The following DENND1A variants were observed in gnomAD, a reference collection of about 807,000 sequenced individuals.
The protein encoded by DENND1A is DENN domain-containing protein 1A.
In DENND1A, 51 loss-of-function variants were observed where a neutral mutation model predicts 113.7. The observed-to-expected ratio is 0.45, with a 90% CI of 0.36 to 0.57. The LOEUF (loss-of-function observed/expected upper bound fraction) is 0.57. Among genes scored for constraint, DENND1A ranks in the 20% least tolerant of loss-of-function variants. The pLI is 0.00. For synonymous variants in DENND1A, 565 were observed against 570.8 expected, an observed-to-expected ratio of 0.99 and a Z score of 0.14; for missense variants, 1,258 against 1,395.9, an observed-to-expected ratio of 0.90 and a Z score of 1.57.
At chr9:123,775,942 G>A (rs1247616254) in intron 3 of DENND1A, among the ~76,000 whole-genome samples, 1 of 152,126 alleles carries the variant, frequency 6.6e-6, no homozygotes, top group Non-Finnish European at 1.5e-5. Flanking sequence ...TCAGAGAAGT[G>A]GCTCTAGTTT....
chr9:123,381,570 G>C lies in DENND1A; in HGVS notation c.3075C>G (p.Pro1025=). ...GGTCTCTGGCCTGTTGAGGAGCAGA[G>C]GGCTGCAGTGTTGGCTCCAGGCCTT... ...PPQGLEPTLQ[P]SAPQQARDPF... is the part of the protein sequence containing the mutation. The change falls in exon 24 of 24, where the codon CCC becomes CCG. Residue 1025 remains proline, a synonymous_variant. Transcript: ENST00000394215. The surrounding 1 kb of genome is among the most constrained non-coding windows in gnomAD (Gnocchi z 4.7). 1 of 1,613,708 alleles carries C rather than the reference G, an allele frequency of 6.2e-7. No individual in the cohort carries two copies.
intron 1 of DENND1A, among the ~76,000 whole-genome samples, chr9:123,893,903 A>C (rs1850310823): frequency 6.6e-6 from 1 of 152,176 alleles, no homozygotes; most frequent in Non-Finnish European, 1.5e-5. Flanking sequence ...GTAGGCACTT[A>C]AGAGATATTT....
rs182687903 is a variant in DENND1A, at chr9:123,927,776, C to T, written c.17+2113G>A. ...AGACTGTCCTATTCAATGGAACCTG[C>T]ACACTTAGATTTCACCACAGCCAGG... On this transcript the variant is annotated intron_variant, in intron 1 of 23. Transcript: ENST00000394215. Among the ~76,000 whole-genome samples the T allele has an allele frequency of 1.2e-3, 185 of 152,330 alleles. 1 individual carries two copies. Among genetic ancestry groups the T allele is most frequent in the African/African-American group, 4.3e-3 (180 of 41,572 alleles).
At position 123,609,534 on chromosome 9, in the gene DENND1A, A is replaced by G; in HGVS notation, c.720-53T>C. 3.8e-6 allele frequency: 6 copies of G among 1,583,202 alleles called. No individual in the cohort carries two copies. In the South Asian group the frequency reaches 5.8e-5, roughly 15 times the overall value. On this transcript the variant is annotated intron_variant, in intron 10 of 23. Transcript: ENST00000394215. ...TGCTTTAATGTCTGTTGCTTCTGACAGAAAATTACAGATGGTTCACTATTT... is the reference window on the plus strand; with the variant it reads ...TGCTTTAATGTCTGTTGCTTCTGACGGAAAATTACAGATGGTTCACTATTT...
chr9:123,603,379 C>T (rs1021215963), intron 11 of DENND1A, among the ~76,000 whole-genome samples: 3 of 152,132 alleles, frequency 2.0e-5, no homozygotes, highest in African/African-American at 7.2e-5. Flanking sequence ...TTGTTGTAGA[C>T]ATAGACAAAT....
rs77969061 is a variant in DENND1A, at chr9:123,381,195, G to A, written c.*237C>T. The A allele has an allele frequency of 1.2e-5, 7 of 574,924 alleles. No homozygotes were observed. Among genetic ancestry groups the A allele is most frequent in the East Asian group, 3.0e-5 (1 of 33,842 alleles). 35.6% of individuals were successfully genotyped at this position (574,924 alleles called of 1,614,324 possible). A position where few individuals can be genotyped will look rare whatever the true frequency, so the allele number is the denominator to read the frequency against. Reference sequence around the variant, plus strand: ...TCAAGGGTGCCGAGGAGAGGCAACCGCGGGGTGGGATGGGCACTCAGGAAC... The same window carrying A: ...TCAAGGGTGCCGAGGAGAGGCAACCACGGGGTGGGATGGGCACTCAGGAAC... On this transcript the variant is annotated 3_prime_UTR_variant, in exon 24 of 24. Transcript: ENST00000394215. The surrounding 1 kb of genome is among the most constrained non-coding windows in gnomAD (Gnocchi z 4.7).
intron 1 of DENND1A, among the ~76,000 whole-genome samples, chr9:123,879,980 CTTGT>C (rs560537019): frequency 1.7e-4 from 26 of 152,254 alleles, no homozygotes; most frequent in African/African-American, 6.3e-4. Flanking sequence ...TATACTCTTA[CTTGT>C]TTATTTCATA....
chr9:123,509,642 T>C (rs1408527760), intron 13 of DENND1A, among the ~76,000 whole-genome samples: 4 of 152,218 alleles, frequency 2.6e-5, no homozygotes, highest in Non-Finnish European at 5.9e-5. Context: ...CCTCAAATTA[T>C]AGAAGAGCCT....
chr9:123,754,348 A>T (rs923878385), intron 5 of DENND1A, among the ~76,000 whole-genome samples: 2 of 152,194 alleles, frequency 1.3e-5, no homozygotes, highest in Non-Finnish European at 2.9e-5. Flanking sequence ...TCAGCCTAGC[A>T]ATGTTCCCAA....
chr9:123,676,102 A>G (rs1285282735), intron 6 of DENND1A, among the ~76,000 whole-genome samples: 1 of 152,222 alleles, frequency 6.6e-6, no homozygotes, highest in African/African-American at 2.4e-5. Context: ...GGTATCTGAA[A>G]ATGTGGGCTA....
rs765585913 is a variant in DENND1A, at chr9:123,382,579, G to A, written c.2066C>T (p.Ala689Val). ...GSERSRGVTVALKLTHPYNKL... is the reference protein window; with the variant it reads ...GSERSRGVTVVLKLTHPYNKL... ...GTTGTACGGGTGGGTAAGCTTCAAG[G>A]CCACTGTCACCCCGCGGCTCCTCTC... The change falls in exon 24 of 24, where the codon GCC becomes GTC. Residue 689 changes from alanine to valine, a missense_variant. By Grantham distance (64) the Ala-to-Val change is moderately conservative (BLOSUM62 0). Transcript: ENST00000394215. The A allele has an allele frequency of 9.9e-6, 16 of 1,614,108 alleles. No homozygotes were observed. In the South Asian group the frequency reaches 1.6e-4, roughly 17 times the overall value.
chr9:123,864,626 G>T (rs1382144382), intron 2 of DENND1A, among the ~76,000 whole-genome samples: 1 of 152,064 alleles, frequency 6.6e-6, no homozygotes, highest in Non-Finnish European at 1.5e-5. Flanking sequence ...AGAAAAGGCA[G>T]AATAACATCT....
chr9:123,810,492 A>T (rs530113307), intron 2 of DENND1A, among the ~76,000 whole-genome samples: 1 of 142,062 alleles, frequency 7.0e-6, no homozygotes, highest in African/African-American at 2.6e-5. Context: ...AGGGAGGATC[A>T]CTTGAGCTCA....
intron 9 of DENND1A, among the ~76,000 whole-genome samples, chr9:123,634,561 T>C (rs911584923): frequency 7.9e-5 from 12 of 152,316 alleles, no homozygotes; most frequent in African/African-American, 2.6e-4. Flanking sequence ...GTTCATTCCT[T>C]ACAGAATACA....
intron 13 of DENND1A, among the ~76,000 whole-genome samples, chr9:123,546,017 T>C (rs1267842880): frequency 6.6e-6 from 1 of 152,168 alleles, no homozygotes; most frequent in Non-Finnish European, 1.5e-5. Flanking sequence ...ACTGCCGTGG[T>C]GGCTTCAGCT....
At chr9:123,755,536 C>T (rs1041231264) in intron 5 of DENND1A, among the ~76,000 whole-genome samples, 1 of 151,768 alleles carries the variant, frequency 6.6e-6, no homozygotes, top group African/African-American at 2.4e-5. Flanking sequence ...GCTAGGATTA[C>T]AGGAGTGAGC....
At chr9:123,627,775 G>A (rs1266711963) in intron 10 of DENND1A, among the ~76,000 whole-genome samples, 5 of 146,498 alleles carry the variant, frequency 3.4e-5, no homozygotes, top group Non-Finnish European at 7.7e-5. Flanking sequence ...GAGAGCGAGC[G>A]AGTGAGAGAG....
At chr9:123,722,821 T>C (rs1388134036) in intron 5 of DENND1A, among the ~76,000 whole-genome samples, 1 of 152,216 alleles carries the variant, frequency 6.6e-6, no homozygotes, top group Non-Finnish European at 1.5e-5. Context: ...GGGGCCCTCA[T>C]GGAGAACTTC....
chr9:123,608,125 G>C (rs1341598762), intron 11 of DENND1A, among the ~76,000 whole-genome samples: 3 of 152,106 alleles, frequency 2.0e-5, no homozygotes, highest in Admixed American at 2.0e-4. Flanking sequence ...TACTGTATGT[G>C]CTTAGGGCTG....
Sources: gnomAD v4.1 joint callset for allele counts (sites outside exome capture counted in the v4.1 genomes callset) on GRCh38, gnomAD v4.1.1 for gene constraint, Gnocchi (gnomAD v3.1) non-coding constraint, MANE v1.5 for transcripts, NCBI Gene and HGNC (gene_info 2026-07-23, HGNC 2026-07-21) for gene names.